Variants in IGSF21 observed in about 807,000 individuals in gnomAD.
The protein encoded by IGSF21 is immunoglobulin superfamily member 21.
In IGSF21, 28 loss-of-function variants were observed where a neutral mutation model predicts 46.8. The observed-to-expected ratio is 0.60, with a 90% confidence interval of 0.44 to 0.82. The LOEUF (loss-of-function observed/expected upper bound fraction) is 0.82, where lower values mean the gene tolerates loss of function less well. Ranked by LOEUF, IGSF21 falls within the 40% of genes least tolerant of loss-of-function variation. The pLI is 0.00. For missense variants in IGSF21, 624 were observed against 665.5 expected (o/e 0.94, Z 0.69); for synonymous variants, 284 against 273.6 (o/e 1.04, Z -0.38).
intron 2 of IGSF21, among the ~76,000 whole-genome samples, chr1:18,268,020 A>T (rs2085006383): frequency 6.6e-6 from 1 of 152,190 alleles, no homozygotes; most frequent in South Asian, 2.1e-4. Flanking sequence ...TAGGACAGGG[A>T]TCTTCGTCTG....
intron 1 of IGSF21, among the ~76,000 whole-genome samples, chr1:18,201,717 C>T (rs1428353101): frequency 6.6e-6 from 1 of 152,016 alleles, no homozygotes; most frequent in Non-Finnish European, 1.5e-5. Context: ...GGGTGTGTGT[C>T]GGGGGGTCTG....
chr1:18,330,070 G>C (rs1443079458), intron 3 of IGSF21, among the ~76,000 whole-genome samples: 1 of 152,212 alleles, frequency 6.6e-6, no homozygotes, highest in Non-Finnish European at 1.5e-5. Context: ...TTGCTGATGA[G>C]AGCAGGCCTC....
At chr1:18,183,792 G>A (rs576870373) in intron 1 of IGSF21, among the ~76,000 whole-genome samples, 72 of 152,228 alleles carry the variant, frequency 4.7e-4, no homozygotes, top group African/African-American at 1.6e-3. Flanking sequence ...CAGCTCCCTC[G>A]GGTGGCGGGT....
At chr1:18,226,325 G>A (rs753090147) in intron 1 of IGSF21, among the ~76,000 whole-genome samples, 11 of 152,168 alleles carry the variant, frequency 7.2e-5, no homozygotes, top group Non-Finnish European at 1.2e-4. Context: ...CTGGAGGGCC[G>A]AGCAATGCCT....
At chr1:18,357,860 G>T (rs2086037715) in intron 4 of IGSF21, among the ~76,000 whole-genome samples, 1 of 152,102 alleles carries the variant, frequency 6.6e-6, no homozygotes, top group Non-Finnish European at 1.5e-5. Context: ...GGAAGCCTGA[G>T]CTGTCCGTGC....
At chr1:18,192,954 G>A (rs1465579370) in intron 1 of IGSF21, among the ~76,000 whole-genome samples, 2 of 152,002 alleles carry the variant, frequency 1.3e-5, no homozygotes, top group Non-Finnish European at 2.9e-5. Context: ...GAGGATCTGG[G>A]GTGAATAAGG....
intron 4 of IGSF21, among the ~76,000 whole-genome samples, chr1:18,346,978 G>A (rs944595719): frequency 8.5e-5 from 13 of 152,152 alleles, no homozygotes; most frequent in East Asian, 7.7e-4. Context: ...TGCCTGCCAC[G>A]GACCTCCCAG....
chr1:18,272,696 T>C (rs1219351733), intron 2 of IGSF21, among the ~76,000 whole-genome samples: 1 of 152,246 alleles, frequency 6.6e-6, no homozygotes, highest in East Asian at 1.9e-4. Context: ...CCCTCGGCTC[T>C]TGCCAGGGAC....
Position 18,359,366 on chromosome 1 carries a change from G to GA in IGSF21, c.425-2746dup, listed in dbSNP as rs1382103314. ...AGAAAGAAAGAAAGAAAGAAAGAAA[G>GA]AAAGAAAGAAAGAAAGAAAGGAAGG... On this transcript the variant is annotated intron_variant, in intron 4 of 9. Coordinates refer to ENST00000251296, the MANE Select transcript of IGSF21 (RefSeq NM_032880.5). Among the ~76,000 whole-genome samples, 100 of 87,370 alleles carry GA rather than the reference G, an allele frequency of 1.1e-3. 2 individuals are homozygous for GA. The highest frequency in any genetic ancestry group is 4.1e-3 in the African/African-American group (98 of 23,932). 57.3% of individuals were successfully genotyped at this position (87,370 alleles called of 152,430 possible). A position where few individuals can be genotyped will look rare whatever the true frequency, so the allele number is the denominator to read the frequency against.
At chr1:18,131,910 A>G (rs2086325157) in intron 1 of IGSF21, among the ~76,000 whole-genome samples, 1 of 152,164 alleles carries the variant, frequency 6.6e-6, no homozygotes. Flanking sequence ...TCAAGGTGGT[A>G]GGGGTGGGGG....
intron 1 of IGSF21, among the ~76,000 whole-genome samples, chr1:18,129,665 C>T (rs1161148586): frequency 6.6e-6 from 1 of 152,156 alleles, no homozygotes. Flanking sequence ...AGTCTCGTAT[C>T]GACCCAGCAA....
At chr1:18,317,922 A>T (rs1221631629) in intron 3 of IGSF21, among the ~76,000 whole-genome samples, 1 of 152,206 alleles carries the variant, frequency 6.6e-6, no homozygotes, top group Admixed American at 6.5e-5. Context: ...TGGTAGAGTG[A>T]CTTACTCCAG....
At chr1:18,144,809 C>T (rs1405872298) in intron 1 of IGSF21, among the ~76,000 whole-genome samples, 1 of 152,106 alleles carries the variant, frequency 6.6e-6, no homozygotes, top group Non-Finnish European at 1.5e-5. Flanking sequence ...TGCTGGGGCC[C>T]TTGTTCTTCG....
chr1:18,269,431 C>T (rs947866524), intron 2 of IGSF21, among the ~76,000 whole-genome samples: 1 of 152,166 alleles, frequency 6.6e-6, no homozygotes, highest in Admixed American at 6.5e-5. Flanking sequence ...GGAGGATCAG[C>T]ATCTTTGAAT....
At chr1:18,275,843 T>A (rs1342987769) in intron 2 of IGSF21, among the ~76,000 whole-genome samples, 1 of 152,044 alleles carries the variant, frequency 6.6e-6, no homozygotes, top group Admixed American at 6.5e-5. Context: ...TTGGGTGGAA[T>A]TCTTCTTCAG....
chr1:18,154,775 C>T (rs2124437338), intron 1 of IGSF21, among the ~76,000 whole-genome samples: 1 of 152,098 alleles, frequency 6.6e-6, no homozygotes, highest in East Asian at 2.0e-4. Context: ...CTCTCCTTTC[C>T]CCTCCCTTTC....
intron 1 of IGSF21, among the ~76,000 whole-genome samples, chr1:18,140,257 G>A (rs1046833013): frequency 2.0e-5 from 3 of 152,228 alleles, no homozygotes; most frequent in African/African-American, 7.2e-5. Flanking sequence ...GATACTTGGA[G>A]GTGTATCTTC....
At chr1:18,276,708 C>T (rs910764129) in intron 2 of IGSF21, among the ~76,000 whole-genome samples, 2 of 122,374 alleles carry the variant, frequency 1.6e-5, no homozygotes, top group African/African-American at 6.2e-5. Context: ...ATTTGTCCTG[C>T]AGATTGTGTT....
At chr1:18,149,857 T>A (rs912940722) in intron 1 of IGSF21, among the ~76,000 whole-genome samples, 1 of 152,096 alleles carries the variant, frequency 6.6e-6, no homozygotes, top group African/African-American at 2.4e-5. Flanking sequence ...CTGGGGAGCC[T>A]CTGGGATGAT....
Sources: gnomAD v4.1 joint callset for allele counts (sites outside exome capture counted in the v4.1 genomes callset) on GRCh38, gnomAD v4.1.1 for gene constraint, MANE v1.5 for transcripts, NCBI Gene and HGNC (gene_info 2026-07-23, HGNC 2026-07-21) for gene names.